SRBD1: variants seen among roughly 807,000 people sequenced by gnomAD.
The protein encoded by SRBD1 is S1 RNA binding domain 1, also known as S1 RNA-binding domain-containing protein 1.
Under a neutral mutation model 115.3 loss-of-function variants are expected in SRBD1, and 88 were observed. The observed-to-expected ratio is 0.76, with a 90% CI of 0.64 to 0.91. SRBD1 has a LOEUF of 0.91. Among genes scored for constraint, SRBD1 ranks in the 40% least tolerant of loss-of-function variants. The pLI, the probability that SRBD1 is intolerant of heterozygous loss-of-function variation, is 0.00. For synonymous variants in SRBD1, 509 were observed against 407.7 expected, an observed-to-expected ratio of 1.25 and a Z score of -2.99; for missense variants, 1,385 against 1,177.4, an observed-to-expected ratio of 1.18 and a Z score of -2.58.
At chr2:45,528,249 A>T (rs1184077436) in intron 14 of SRBD1, among the ~76,000 whole-genome samples, 2 of 151,874 alleles carry the variant, frequency 1.3e-5, no homozygotes. Context: ...TGGGTTAAGA[A>T]GCGAGTATCA....
chr2:45,434,845 T>C (rs1184890616), intron 16 of SRBD1, among the ~76,000 whole-genome samples: 3 of 151,990 alleles, frequency 2.0e-5, no homozygotes, highest in Non-Finnish European at 2.9e-5. Context: ...CATGTATACA[T>C]GTGTCATGTT....
rs751010986 is a variant in SRBD1 at position 45,581,724 on chromosome 2, T to C, written c.902A>G (p.Asn301Ser). ...TTCTAGTTCTTCAAAAGTTTTACAA[T>C]TCAGCATGGCTTTTAACAAGCACTC... ...MSECLLKAML[N>S]CKTFEELEHV... is the part of the protein sequence containing the mutation. The change falls in exon 6 of 21, where the codon AAT (asparagine) becomes AGT (serine). Residue 301 changes from asparagine (N) to serine (S), a missense_variant. Asn to Ser is a conservative substitution (Grantham distance 46, BLOSUM62 1). Coordinates refer to ENST00000263736, the MANE Select transcript of SRBD1 (RefSeq NM_018079.5). The C allele has an allele frequency of 1.9e-6, 3 of 1,613,534 alleles. No homozygotes were observed. Among genetic ancestry groups the C allele is most frequent in the Non-Finnish European group, 8.5e-7 (1 of 1,179,778 alleles).
chr2:45,452,172 T>G (rs2103745572), intron 16 of SRBD1, among the ~76,000 whole-genome samples: 1 of 152,178 alleles, frequency 6.6e-6, no homozygotes, highest in Non-Finnish European at 1.5e-5. Context: ...GAATCTGTCT[T>G]TAAAATTTTT....
intron 16 of SRBD1, among the ~76,000 whole-genome samples, chr2:45,456,302 C>A (rs1331814878): frequency 3.3e-5 from 5 of 151,814 alleles, no homozygotes; most frequent in Non-Finnish European, 5.9e-5. Context: ...TTTCTGCTGA[C>A]CGAGGTGAGA....
chr2:45,543,564 C>T (rs1572755371), intron 14 of SRBD1, among the ~76,000 whole-genome samples: 1 of 152,026 alleles, frequency 6.6e-6, no homozygotes, highest in South Asian at 2.1e-4. Flanking sequence ...AAAATGGCTG[C>T]CAGAGAAAGA....
intron 14 of SRBD1, among the ~76,000 whole-genome samples, chr2:45,507,054 G>A (rs907742052): frequency 6.6e-6 from 1 of 152,106 alleles, no homozygotes; most frequent in African/African-American, 2.4e-5. Flanking sequence ...CTCATGTTTG[G>A]CGTATAGTAA....
At chr2:45,437,472 G>T (rs1668532835) in intron 16 of SRBD1, among the ~76,000 whole-genome samples, 1 of 152,066 alleles carries the variant, frequency 6.6e-6, no homozygotes, top group Non-Finnish European at 1.5e-5. Flanking sequence ...ATGGAGAAAA[G>T]GTATCTTTGC....
intron 16 of SRBD1, among the ~76,000 whole-genome samples, chr2:45,439,239 T>C (rs1668588843): frequency 1.3e-5 from 2 of 151,948 alleles, no homozygotes; most frequent in Admixed American, 1.3e-4. Flanking sequence ...TTTTGCAGAC[T>C]AAAGGAAATT....
chr2:45,587,036 AATTT>A (rs1558496945), intron 4 of SRBD1, among the ~76,000 whole-genome samples: 12 of 77,184 alleles, frequency 1.6e-4, no homozygotes, highest in South Asian at 3.9e-4. Context: ...AATATTTAAA[AATTT>A]TTAAATATTT....
At chr2:45,445,835 T>C (rs1056103131) in intron 16 of SRBD1, among the ~76,000 whole-genome samples, 23 of 152,154 alleles carry the variant, frequency 1.5e-4, no homozygotes, top group Admixed American at 1.4e-3. Flanking sequence ...CCAGTAAAGT[T>C]CAACAAAAAT....
chr2:45,416,711 T>G (rs1667842824), intron 18 of SRBD1, among the ~76,000 whole-genome samples: 1 of 152,228 alleles, frequency 6.6e-6, no homozygotes, highest in Admixed American at 6.5e-5. Context: ...CTTTTTCAAG[T>G]GAGACTTGAG....
At chr2:45,538,217 C>A (rs891794080) in intron 14 of SRBD1, among the ~76,000 whole-genome samples, 4 of 152,174 alleles carry the variant, frequency 2.6e-5, no homozygotes, top group African/African-American at 9.7e-5. Flanking sequence ...AAAAATTCTT[C>A]ATAACACCCC....
intron 16 of SRBD1, among the ~76,000 whole-genome samples, chr2:45,444,565 G>T (rs931414870): frequency 6.6e-6 from 1 of 151,762 alleles, no homozygotes; most frequent in African/African-American, 2.4e-5. Flanking sequence ...AATCCTTTTT[G>T]TTCATTATTT....
intron 14 of SRBD1, among the ~76,000 whole-genome samples, chr2:45,533,124 G>C (rs975548275): frequency 3.3e-5 from 5 of 151,958 alleles, no homozygotes; most frequent in Non-Finnish European, 7.4e-5. Flanking sequence ...AGGAAAATAT[G>C]GATAAGAATA....
intron 4 of SRBD1, among the ~76,000 whole-genome samples, chr2:45,597,074 A>G (rs1673924820): frequency 6.6e-6 from 1 of 151,938 alleles, no homozygotes; most frequent in Non-Finnish European, 1.5e-5. Flanking sequence ...CAGGCACTGG[A>G]CCAGAGATGG....
chr2:45,462,572 A>C (rs2103777180), intron 16 of SRBD1, among the ~76,000 whole-genome samples: 1 of 152,114 alleles, frequency 6.6e-6, no homozygotes, highest in Non-Finnish European at 1.5e-5. Flanking sequence ...ATTAAAGACA[A>C]CACATCAGCA....
At position 45,413,237 on chromosome 2, in the gene SRBD1, T is replaced by A. The variant is rs1667657841; in HGVS notation, c.2390A>T (p.Asp797Val). ...CTGCTTCTCATTTGTGACCTCAACG[T>A]CTGCTGAAGATGTCACAGCAACTCC... ...IQGVAVTSSA[D>V]VEVTNEKQGK... is the part of the protein sequence containing the mutation. Residue 797 changes from aspartate (D) to valine (V), a missense_variant, in exon 19 of 21, where the codon GAC becomes GTC. By Grantham distance (152) the Asp-to-Val change is radical. Transcript: ENST00000263736. The A allele has an allele frequency of 6.2e-7, 1 of 1,614,142 alleles. No individual in the cohort carries two copies. Among genetic ancestry groups the A allele is most frequent in the South Asian group, 1.1e-5 (1 of 91,090 alleles).
chr2:45,496,999 G>A (rs200102962), intron 14 of SRBD1, among the ~76,000 whole-genome samples: 9 of 152,152 alleles, frequency 5.9e-5, no homozygotes, highest in South Asian at 2.1e-4. Flanking sequence ...CAGATGGAGG[G>A]AAAGAATGAG....
chr2:45,414,256 C>A (rs1360464999), intron 18 of SRBD1, among the ~76,000 whole-genome samples: 2 of 151,998 alleles, frequency 1.3e-5, no homozygotes, highest in African/African-American at 4.8e-5. Context: ...TAACCCATAC[C>A]AAGCTCTAAA....
Sources: allele counts gnomAD v4.1 joint callset (sites outside exome capture counted in the v4.1 genomes callset), GRCh38; gene constraint gnomAD v4.1.1; transcripts MANE v1.5; gene names NCBI Gene and HGNC (gene_info 2026-07-23, HGNC 2026-07-21).